ACOX3: variants seen among roughly 807,000 people sequenced by gnomAD.
ACOX3 encodes peroxisomal acyl-coenzyme A oxidase 3.
A neutral mutation model predicts 81.5 loss-of-function variants in ACOX3; 73 were observed. The observed-to-expected ratio is 0.90, with a 90% CI of 0.74 to 1.09. The LOEUF (loss-of-function observed/expected upper bound fraction) is 1.09, where lower values mean the gene tolerates loss of function less well. ACOX3 is among the 50% of genes least tolerant of loss of function. The pLI, the probability that ACOX3 is intolerant of heterozygous loss-of-function variation, is 0.00. For synonymous variants in ACOX3, 387 were observed against 375.1 expected, an observed-to-expected ratio of 1.03 and a Z score of -0.37; for missense variants, 947 against 928.0, an observed-to-expected ratio of 1.02 and a Z score of -0.27.
chr4:8,363,853 T>C (rs6824623), downstream of ACOX3, among the ~76,000 whole-genome samples: 36,716 of 151,974 alleles, frequency 0.24, 4,847 homozygotes, highest in African/African-American at 0.35. Flanking sequence ...AGTTTACAAA[T>C]GCCATGGCAA....
chr4:8,437,165 G>A lies in ACOX3; in HGVS notation c.-15+3483C>T, dbSNP rs1355340667. On this transcript the variant is annotated intron_variant, in intron 1 of 17. Coordinates refer to ENST00000356406, the MANE Select transcript of ACOX3 (RefSeq NM_003501.3). This position sits in a 1 kb window ranked among gnomAD's most constrained non-coding sequence, Gnocchi z 5.2. ...TAAATATATATATAGTGAATACTTC[G>A]TTTGTAAAGCAAGCCCAGGGTAACA... Among the ~76,000 whole-genome samples the A allele has an allele frequency of 5.5e-5, 8 of 145,810 alleles. No individual in the cohort carries two copies. Among genetic ancestry groups the A allele is most frequent in the African/African-American group, 1.5e-4 (6 of 39,542 alleles).
At chr4:8,357,238 G>A in the ACOX3 span, 5 of 456,656 alleles carry the variant, frequency 1.1e-5, no homozygotes, top group Non-Finnish European at 2.2e-5. Flanking sequence ...CCCAGCAGCT[G>A]AGAGAAAAGT....
In ACOX3 at chr4:8,394,619, C is replaced by G. The variant is rs1217619564; in HGVS notation, c.1179+1G>C. ...TGCTGAGGAAGCAGACACCACCTCA[C>G]CTGTCTGGCGCTGCGGTCTCCCGAT... On this transcript the variant is annotated splice_donor_variant, in intron 10 of 17. Coordinates refer to ENST00000356406, the MANE Select transcript of ACOX3 (RefSeq NM_003501.3). LOFTEE classifies it high-confidence loss of function. This position sits in a 1 kb window ranked among gnomAD's most constrained non-coding sequence, Gnocchi z 5.9. 1.2e-6 allele frequency: 2 copies of G among 1,613,386 alleles called. No homozygotes were observed. The highest frequency in any genetic ancestry group is 3.3e-5 in the Admixed American group (2 of 60,026).
At chr4:8,436,991 C>CAA (rs60797435) in intron 1 of ACOX3, among the ~76,000 whole-genome samples, 1 of 89,386 alleles carries the variant, frequency 1.1e-5, no homozygotes, top group African/African-American at 4.6e-5. Context: ...GACTCCATCT[C>CAA]AAAAAAAAAA....
intron 14 of ACOX3, among the ~76,000 whole-genome samples, chr4:8,380,932 A>T (rs10003554): frequency 0.066 from 10,021 of 152,162 alleles, 446 homozygotes; most frequent in African/African-American, 0.12. Context: ...GATGGCTGGG[A>T]CAGGGCTGGA....
downstream of ACOX3, among the ~76,000 whole-genome samples, chr4:8,365,985 CA>C (rs1382753694): frequency 6.6e-6 from 1 of 152,126 alleles, no homozygotes; most frequent in Non-Finnish European, 1.5e-5. Flanking sequence ...CCACGGGGGT[CA>C]GGGGGCACCA....
At position 8,373,625 on chromosome 4, in the gene ACOX3, C is replaced by A. The variant is rs753943742; in HGVS notation, c.1832G>T (p.Gly611Val). The A allele has an allele frequency of 2.7e-5, 44 of 1,611,710 alleles. No individual in the cohort carries two copies. Among genetic ancestry groups the A allele is most frequent in the Non-Finnish European group, 3.6e-5 (43 of 1,179,074 alleles). Reference protein sequence around the residue: ...SRHAALLYRGGYFSGEQAGEV... With the variant: ...SRHAALLYRGVYFSGEQAGEV... ...TCCCGCCTGCTCACCGGAGAAGTAT[C>A]CTCCTGCAAGCACAGCCTCGGTCAC... The change falls in exon 16 of 18, where the codon GGA becomes GTA. Residue 611 changes from glycine to valine, a missense_variant. Physicochemically the swap from Gly to Val is moderately radical, Grantham distance 109 (BLOSUM62 -3). Transcript: ENST00000356406.
chr4:8,415,476 A>G (rs1411135578), intron 3 of ACOX3, among the ~76,000 whole-genome samples: 2 of 151,600 alleles, frequency 1.3e-5, no homozygotes, highest in Non-Finnish European at 2.9e-5. Context: ...AAAAGTCCCA[A>G]CAGCTCCTCT....
In ACOX3 at chr4:8,370,910, C is replaced by T. The variant is rs759529720; in HGVS notation, c.1981G>A (p.Glu661Lys). The change falls in exon 17 of 18, where the codon GAG (glutamate) becomes AAG (lysine). Residue 661 changes from glutamate to lysine, a missense_variant and splice_region_variant. Glu to Lys is a moderately conservative substitution (Grantham distance 56). Coordinates refer to ENST00000356406, the MANE Select transcript of ACOX3 (RefSeq NM_003501.3). This position sits in a 1 kb window ranked among gnomAD's most constrained non-coding sequence, Gnocchi z 6.3. The stretch of plus-strand genomic sequence containing the variant: ...GTGAGGCCCTGTCCTCCCTTTACCT[C>T]GCCGTCGGCTCTGCCAATCGGTGAG... The part of the protein sequence containing the change: ...LDSPIGRADG[E>K]LYKNLWGAVL... The T allele has an allele frequency of 1.1e-5, 18 of 1,613,578 alleles. No homozygotes were observed. Among genetic ancestry groups the T allele is most frequent in the Middle Eastern group, 1.6e-4 (1 of 6,082 alleles).
chr4:8,436,279 G>A (rs762621830), intron 1 of ACOX3: 4 of 151,980 alleles, frequency 2.6e-5, no homozygotes, highest in Non-Finnish European at 5.9e-5. Context: ...AGCTATACAT[G>A]GACGGGAGCA....
rs773513363 is a variant in ACOX3 at position 8,389,716 on chromosome 4, A to C, written c.1319T>G (p.Leu440Arg). The change falls in exon 12 of 18, where the codon CTT (leucine) becomes CGT (arginine). Residue 440 changes from leucine to arginine, a missense_variant. By Grantham distance (102) the Leu-to-Arg change is moderately radical. Coordinates refer to ENST00000356406, the MANE Select transcript of ACOX3 (RefSeq NM_003501.3). The surrounding 1 kb of genome is among the most constrained non-coding windows in gnomAD (Gnocchi z 5.3). Reference sequence around the variant, plus strand: ...GCAGTTGGGATCGTTGTCATCTCTAAGGACACCCAACCGGTTCACTGCAAC... The same window carrying C: ...GCAGTTGGGATCGTTGTCATCTCTACGGACACCCAACCGGTTCACTGCAAC... ...GYLAMNRLGV[L>R]RDDNDPNCTY... 1.2e-6 allele frequency: 2 copies of C among 1,614,042 alleles called. No homozygotes were observed. Among genetic ancestry groups the C allele is most frequent in the South Asian group, 1.1e-5 (1 of 91,090 alleles).
rs143222308 is a variant in ACOX3 at position 8,400,918 on chromosome 4, T to G, written c.777-1266A>C. Among the ~76,000 whole-genome samples the G allele has an allele frequency of 1.2e-4, 18 of 151,802 alleles. No individual in the cohort carries two copies. Among genetic ancestry groups the G allele is most frequent in the African/African-American group, 4.4e-4 (18 of 41,242 alleles). ...TATTACATGGTAACACATAATGAAATGATTATACAATTAGCCATAATGCAA... is the reference window on the plus strand; with the variant it reads ...TATTACATGGTAACACATAATGAAAGGATTATACAATTAGCCATAATGCAA... On this transcript the variant is annotated intron_variant, in intron 7 of 17. Coordinates refer to ENST00000356406, the MANE Select transcript of ACOX3 (RefSeq NM_003501.3). This position sits in a 1 kb window ranked among gnomAD's most constrained non-coding sequence, Gnocchi z 4.4.
At position 8,400,669 on chromosome 4, in the gene ACOX3, G is replaced by C. The variant is rs1466423101; in HGVS notation, c.777-1017C>G. 2.0e-5 allele frequency among the ~76,000 whole-genome samples: 3 copies of C among 152,104 alleles called. No homozygotes were observed. The highest frequency in any genetic ancestry group is 1.3e-4 in the Admixed American group (2 of 15,266). ...CTAGGTTAAGAATATTACATAAACT[G>C]TGCAAAAACCCCCCAAAACAAACTT... On this transcript the variant is annotated intron_variant, in intron 7 of 17. Transcript: ENST00000356406. The surrounding 1 kb of genome is among the most constrained non-coding windows in gnomAD (Gnocchi z 4.4).
At chr4:8,434,054 T>C (rs555667407) in intron 1 of ACOX3, among the ~76,000 whole-genome samples, 1 of 152,062 alleles carries the variant, frequency 6.6e-6, no homozygotes, top group African/African-American at 2.4e-5. Context: ...GTTAAAATAA[T>C]AATAATAATA....
Position 8,431,568 on chromosome 4 carries a change from C to T in ACOX3, c.-15+9080G>A, listed in dbSNP as rs1432905252. ...GATGGAGATGCCACTGGGACTGACA[C>T]CAAGGGAGCAAATTTGGGGAAAAAA... On this transcript the variant is annotated intron_variant, in intron 1 of 17. Coordinates refer to ENST00000356406, the MANE Select transcript of ACOX3 (RefSeq NM_003501.3). This position sits in a 1 kb window ranked among gnomAD's most constrained non-coding sequence, Gnocchi z 5.3. Among the ~76,000 whole-genome samples, 1 of 152,164 alleles carries T rather than the reference C, an allele frequency of 6.6e-6. No homozygotes were observed. Among genetic ancestry groups the T allele is most frequent in the East Asian group, 1.9e-4 (1 of 5,192 alleles).
intron 13 of ACOX3, among the ~76,000 whole-genome samples, chr4:8,387,176 G>A (rs1207423179): frequency 2.0e-5 from 3 of 152,254 alleles, no homozygotes; most frequent in Admixed American, 6.5e-5. Flanking sequence ...CTGATGTGGC[G>A]CCAAGTGCTG....
chr4:8,417,191 G>T (rs957080493), intron 1 of ACOX3, among the ~76,000 whole-genome samples: 1 of 152,242 alleles, frequency 6.6e-6, no homozygotes, highest in South Asian at 2.1e-4. Flanking sequence ...CAAGTGGCTT[G>T]GCTGATGAAG....
Position 8,416,251 on chromosome 4 carries a change from G to A in ACOX3, c.144+127C>T, listed in dbSNP as rs1722319696. ...TGTCCTGGGGTGCAGAGAGGAGAGA[G>A]GCCGCGCTGCCTGGGATGAGCCTCG... On this transcript the variant is annotated intron_variant, in intron 2 of 17. Transcript: ENST00000356406. The surrounding 1 kb of genome is among the most constrained non-coding windows in gnomAD (Gnocchi z 4.2). 1.3e-6 allele frequency: 2 copies of A among 1,492,530 alleles called. No homozygotes were observed. The highest frequency in any genetic ancestry group is 1.7e-5 in the Admixed American group (1 of 58,692). The allele number at this position is 1,492,530 out of a possible 1,614,324, so 92.5% of individuals were successfully genotyped here.
intron 1 of ACOX3, among the ~76,000 whole-genome samples, chr4:8,426,876 C>T (rs1401258325): frequency 3.3e-5 from 5 of 152,256 alleles, no homozygotes; most frequent in South Asian, 2.1e-4. Flanking sequence ...GCCCATGCTC[C>T]GATGTTGATG....
Sources: gnomAD v4.1 joint callset for allele counts (sites outside exome capture counted in the v4.1 genomes callset) on GRCh38, gnomAD v4.1.1 for gene constraint, Gnocchi (gnomAD v3.1) non-coding constraint, MANE v1.5 for transcripts, NCBI Gene and HGNC (gene_info 2026-07-23, HGNC 2026-07-21) for gene names.